The following GNA14 variants were observed in gnomAD, a reference collection of about 807,000 sequenced individuals.
GNA14 encodes G protein subunit alpha 14, also known as guanine nucleotide-binding protein subunit alpha-14.
GNA14 carries 50 observed loss-of-function variants against 42.0 expected under a neutral mutation model. The ratio of observed to expected loss-of-function variants is 1.19; its 90% CI spans 0.95 to 1.51. The LOEUF is 1.51. Among genes scored for constraint, GNA14 ranks in the 40% most tolerant of loss-of-function variants. The pLI is 0.00. For missense variants in GNA14, 473 were observed against 446.2 expected (o/e 1.06, Z -0.54); for synonymous variants, 173 against 163.1 (o/e 1.06, Z -0.46).
At chr9:77,473,100 CTT>C (rs1213806059) in intron 2 of GNA14, among the ~76,000 whole-genome samples, 1 of 152,158 alleles carries the variant, frequency 6.6e-6, no homozygotes, top group Non-Finnish European at 1.5e-5. Flanking sequence ...TGGGAATAAA[CTT>C]AACACAAAAG....
chr9:77,605,438 C>A (rs573782037), intron 1 of GNA14, among the ~76,000 whole-genome samples: 1 of 152,292 alleles, frequency 6.6e-6, no homozygotes, highest in African/African-American at 2.4e-5. Context: ...GCAGGAAGGT[C>A]ACTCTCACCT....
chr9:77,592,750 A>G (rs934469504), intron 1 of GNA14, among the ~76,000 whole-genome samples: 6 of 152,080 alleles, frequency 3.9e-5, no homozygotes, highest in African/African-American at 1.2e-4. Flanking sequence ...CCTCTTTTTT[A>G]GCTCCATATG....
chr9:77,429,045 T>C lies in GNA14; in HGVS notation c.594-9A>G, dbSNP rs757678155. Reference sequence around the variant, plus strand: ...CACCAACATCCACCATCCTGTTGTGTAGAAACACAGATCCTTCAAAGGTTG... The same window carrying C: ...CACCAACATCCACCATCCTGTTGTGCAGAAACACAGATCCTTCAAAGGTTG... On this transcript the variant is annotated splice_polypyrimidine_tract_variant and intron_variant, in intron 4 of 6. Coordinates refer to ENST00000341700, the MANE Select transcript of GNA14 (RefSeq NM_004297.4). 6.8e-6 allele frequency: 11 copies of C among 1,613,690 alleles called. No homozygotes were observed. Among genetic ancestry groups the C allele is most frequent in the South Asian group, 1.1e-5 (1 of 91,012 alleles).
chr9:77,525,751 G>A (rs571958123), intron 2 of GNA14, among the ~76,000 whole-genome samples: 27 of 151,842 alleles, frequency 1.8e-4, no homozygotes, highest in African/African-American at 6.0e-4. Flanking sequence ...CGTTAGCCAG[G>A]ATGATCTCGA....
At chr9:77,500,991 T>G (rs2131743085) in intron 2 of GNA14, among the ~76,000 whole-genome samples, 1 of 152,174 alleles carries the variant, frequency 6.6e-6, no homozygotes, top group Non-Finnish European at 1.5e-5. Context: ...AATCTCGCTC[T>G]GTCACCAGGC....
At chr9:77,499,967 T>C (rs1443071749) in intron 2 of GNA14, among the ~76,000 whole-genome samples, 2 of 152,146 alleles carry the variant, frequency 1.3e-5, no homozygotes, top group African/African-American at 4.8e-5. Context: ...TAATTTAACC[T>C]TCCCCTGTTA....
chr9:77,577,767 T>C (rs1365588502), intron 1 of GNA14, among the ~76,000 whole-genome samples: 1 of 152,134 alleles, frequency 6.6e-6, no homozygotes, highest in Admixed American at 6.5e-5. Flanking sequence ...GGAGGTACTT[T>C]GGAATTGCTC....
chr9:77,475,671 T>C (rs1836406756), intron 2 of GNA14, among the ~76,000 whole-genome samples: 1 of 152,104 alleles, frequency 6.6e-6, no homozygotes, highest in Non-Finnish European at 1.5e-5. Context: ...TTCTAGAGCA[T>C]CCTCCCAGGG....
chr9:77,481,442 A>G (rs1202956096), intron 2 of GNA14, among the ~76,000 whole-genome samples: 1 of 152,114 alleles, frequency 6.6e-6, no homozygotes, highest in East Asian at 1.9e-4. Flanking sequence ...GTTCTTTTAC[A>G]TTTGCTGAGG....
rs542911316 is a variant in GNA14 at position 77,627,618 on chromosome 9, C to T, written c.124+20052G>A. ...GCAAATTAATAAATGTAATCCATCACGTAAACAGAACCAACGCCCAAAAAC... is the reference window on the plus strand; with the variant it reads ...GCAAATTAATAAATGTAATCCATCATGTAAACAGAACCAACGCCCAAAAAC... On this transcript the variant is annotated intron_variant, in intron 1 of 6. Coordinates refer to ENST00000341700, the MANE Select transcript of GNA14 (RefSeq NM_004297.4). Among the ~76,000 whole-genome samples the T allele has an allele frequency of 2.6e-5, 4 of 152,120 alleles. No homozygotes were observed. The South Asian group carries it at 6.2e-4, about 24-fold the overall frequency.
chr9:77,623,533 C>T (rs1013368581), intron 1 of GNA14, among the ~76,000 whole-genome samples: 31 of 152,300 alleles, frequency 2.0e-4, no homozygotes, highest in African/African-American at 6.5e-4. Context: ...GAGATCAATG[C>T]AGAAGGCAGG....
In GNA14 at chr9:77,493,540, T is replaced by C. The variant is rs1014890466; in HGVS notation, c.309+35529A>G. 3.2e-4 allele frequency among the ~76,000 whole-genome samples: 49 copies of C among 152,326 alleles called. 2 individuals carry two copies. Among genetic ancestry groups the C allele is most frequent in the South Asian group, 2.1e-4 (1 of 4,826 alleles). Reference sequence around the variant, plus strand: ...TTATATATGAGTTTATGAACAGGACTGTGGATCATGTTACCCACTCCCCTC... The same window carrying C: ...TTATATATGAGTTTATGAACAGGACCGTGGATCATGTTACCCACTCCCCTC... On this transcript the variant is annotated intron_variant, in intron 2 of 6. Transcript: ENST00000341700.
chr9:77,572,309 T>C (rs1823072721), intron 1 of GNA14, among the ~76,000 whole-genome samples: 1 of 152,200 alleles, frequency 6.6e-6, no homozygotes, highest in Non-Finnish European at 1.5e-5. Flanking sequence ...AATGCATCAA[T>C]GGAATTATGT....
At chr9:77,441,459 A>C (rs557001758) in intron 2 of GNA14, among the ~76,000 whole-genome samples, 1 of 152,212 alleles carries the variant, frequency 6.6e-6, no homozygotes, top group Non-Finnish European at 1.5e-5. Context: ...TTCCTTTATA[A>C]ATTACCCAGT....
intron 2 of GNA14, among the ~76,000 whole-genome samples, chr9:77,467,836 G>A (rs1458090372): frequency 6.6e-6 from 1 of 151,920 alleles, no homozygotes; most frequent in African/African-American, 2.4e-5. Flanking sequence ...GTTAGGGTGG[G>A]GGAGGGAAAA....
At chr9:77,635,001 C>T (rs1310384862) in intron 1 of GNA14, among the ~76,000 whole-genome samples, 5 of 152,176 alleles carry the variant, frequency 3.3e-5, no homozygotes, top group African/African-American at 1.2e-4. Context: ...TTCCCACACA[C>T]GTTTGGTCAC....
In GNA14 at chr9:77,553,677, A is replaced by AGTAT. The variant is rs1837812169; in HGVS notation, c.125-24425_125-24424insATAC. Among the ~76,000 whole-genome samples, 3 of 152,348 alleles carry AGTAT rather than the reference A, an allele frequency of 2.0e-5. No homozygotes were observed. The East Asian group carries it at 5.8e-4, about 29-fold the overall frequency. ...TGGGCATATGAGAAAACAGACACCC[A>AGTAT]TTCCCACTTATTTGTGTGCACAGCA... On this transcript the variant is annotated intron_variant, in intron 1 of 6. Transcript: ENST00000341700.
At chr9:77,640,274 G>A (rs970016513) in intron 1 of GNA14, among the ~76,000 whole-genome samples, 8 of 152,138 alleles carry the variant, frequency 5.3e-5, no homozygotes, top group South Asian at 2.1e-4. Context: ...CAGTCCTTCC[G>A]ATAAATGATT....
At chr9:77,511,517 C>G (rs1241195000) in intron 2 of GNA14, among the ~76,000 whole-genome samples, 2 of 152,206 alleles carry the variant, frequency 1.3e-5, no homozygotes, top group African/African-American at 4.8e-5. Context: ...ACGCATCCCC[C>G]TTTTTCCTCT....
Sources: allele counts gnomAD v4.1 joint callset (sites outside exome capture counted in the v4.1 genomes callset), GRCh38; gene constraint gnomAD v4.1.1; transcripts MANE v1.5; gene names NCBI Gene and HGNC (gene_info 2026-07-23, HGNC 2026-07-21).